Variants in VPS13A observed in about 807,000 individuals in gnomAD.
The protein encoded by VPS13A is vacuolar protein sorting 13 homolog A.
A neutral mutation model predicts 390.9 loss-of-function variants in VPS13A; 264 were observed. The ratio of observed to expected loss-of-function variants is 0.68; its 90% confidence interval spans 0.61 to 0.75. VPS13A has a LOEUF of 0.75. VPS13A is among the 30% of genes least tolerant of loss of function. VPS13A has a pLI of 0.00. For missense variants in VPS13A, 3,409 were observed against 3,733.9 expected (o/e 0.91, Z 2.27); for synonymous variants, 1,231 against 1,227.1 (o/e 1.00, Z -0.07).
chr9:77,214,272 T>C, intron 9 of VPS13A, 57 bp from the exon 10 acceptor site: 1 of 1,492,976 alleles, frequency 6.7e-7, no homozygotes, highest in Non-Finnish European at 9.3e-7. Flanking sequence ...GGAGACTCCA[T>C]CTCAAAAAAA....
chr9:77,193,172 G>GT (rs1824784750), intron 1 of VPS13A, among the ~76,000 whole-genome samples: 1 of 152,096 alleles, frequency 6.6e-6, no homozygotes, highest in Admixed American at 6.5e-5. Context: ...CTTGTAGTGA[G>GT]TTTTTTAGCT....
chr9:77,179,381 A>G (rs908644156), intron 1 of VPS13A, among the ~76,000 whole-genome samples: 2 of 151,826 alleles, frequency 1.3e-5, no homozygotes, highest in Non-Finnish European at 2.9e-5. Context: ...AGTTGATCTC[A>G]CCCCGCCACC....
In VPS13A at chr9:77,213,001, T is replaced by TG; in HGVS notation, c.589dup (p.Asp197GlyfsTer2). Reference sequence around the variant, plus strand: ...ATCAATACTGGGTTCCATGTTTACATGATGAAACTGAGAAACTGGTTCGTA... The same window carrying TG: ...ATCAATACTGGGTTCCATGTTTACATGGATGAAACTGAGAAACTGGTTCGTA... On this transcript the variant is annotated frameshift_variant, in exon 8 of 72. Coordinates refer to ENST00000360280, the MANE Select transcript of VPS13A (RefSeq NM_033305.3). LOFTEE classifies it high-confidence loss of function. 1 of 1,614,022 alleles carries TG rather than the reference T, an allele frequency of 6.2e-7. No individual in the cohort carries two copies. Among genetic ancestry groups the TG allele is most frequent in the Non-Finnish European group, 8.5e-7 (1 of 1,179,968 alleles).
At chr9:77,273,482 C>G (rs1826470484) in intron 24 of VPS13A, 118 bp downstream of exon 24, 2 of 787,674 alleles carry the variant, frequency 2.5e-6, no homozygotes, top group Admixed American at 2.7e-5. Context: ...CTTTTAAAAT[C>G]TAGGTTCTTG....
At position 77,345,838 on chromosome 9, in the gene VPS13A, G is replaced by C. The variant is rs187681238; in HGVS notation, c.7289+696G>C. Among the ~76,000 whole-genome samples the C allele has an allele frequency of 5.6e-4, 85 of 152,196 alleles. 3 individuals carry two copies. The highest frequency in any genetic ancestry group is 1.9e-4 in the Non-Finnish European group (13 of 68,008). On this transcript the variant is annotated intron_variant, in intron 52 of 71. Coordinates refer to ENST00000360280, the MANE Select transcript of VPS13A (RefSeq NM_033305.3). Reference sequence around the variant, plus strand: ...TTGATTAAAATCAAACAGACATTGAGTAGGGACCACAGGGCTGGACTAGCA... The same window carrying C: ...TTGATTAAAATCAAACAGACATTGACTAGGGACCACAGGGCTGGACTAGCA...
intron 31 of VPS13A, among the ~76,000 whole-genome samples, chr9:77,287,522 A>G (rs1360695973): frequency 3.3e-5 from 5 of 152,190 alleles, no homozygotes; most frequent in Non-Finnish European, 7.3e-5. Flanking sequence ...TAGTCAGCAA[A>G]AGATAAAAAG....
chr9:77,184,527 G>A (rs1029973162), intron 1 of VPS13A, among the ~76,000 whole-genome samples: 2 of 152,164 alleles, frequency 1.3e-5, no homozygotes, highest in South Asian at 2.1e-4. Flanking sequence ...GCTGAGACAC[G>A]AGAATCGCTT....
intron 58 of VPS13A, 110 bp downstream of exon 58, chr9:77,359,512 T>C: frequency 9.7e-7 from 1 of 1,036,048 alleles, no homozygotes; most frequent in Non-Finnish European, 1.4e-6. Context: ...GCATAAAATA[T>C]TAATTATAAA....
intron 71 of VPS13A, among the ~76,000 whole-genome samples, chr9:77,413,273 A>C (rs958442091): frequency 2.6e-5 from 4 of 152,298 alleles, no homozygotes; most frequent in East Asian, 3.9e-4. Context: ...AAAAGAGCCC[A>C]CATCGCCAAG....
chr9:77,333,505 C>T (rs1830387902), intron 46 of VPS13A, among the ~76,000 whole-genome samples: 1 of 146,622 alleles, frequency 6.8e-6, no homozygotes, highest in African/African-American at 2.5e-5. Context: ...GATCTCAGCT[C>T]CCAGGTTCAA....
chr9:77,247,050 C>T lies in VPS13A; in HGVS notation c.1901-209C>T, dbSNP rs577529218. 2.6e-5 allele frequency among the ~76,000 whole-genome samples: 4 copies of T among 152,096 alleles called. No homozygotes were observed. In the East Asian group the frequency reaches 7.7e-4, roughly 29 times the overall value. The stretch of plus-strand genomic sequence containing the variant: ...TTAAAAATTTTTTTTGGAAGAATCA[C>T]TCCAATTTTGTACTCAGCTATATTT... On this transcript the variant is annotated intron_variant, in intron 19 of 71. Transcript: ENST00000360280.
intron 19 of VPS13A, among the ~76,000 whole-genome samples, chr9:77,240,442 G>A (rs1824412299): frequency 6.7e-6 from 1 of 149,482 alleles, no homozygotes; most frequent in Non-Finnish European, 1.5e-5. Context: ...AGAATCTGCT[G>A]GTGGCAAATC....
At chr9:77,273,514 G>T in intron 24 of VPS13A, 150 bp downstream of exon 24, 1 of 641,938 alleles carries the variant, frequency 1.6e-6, no homozygotes, top group Non-Finnish European at 2.6e-6. Context: ...ATGAATGGAA[G>T]ACAGATTAAC....
chr9:77,238,136 C>T lies in VPS13A; in HGVS notation c.1730C>T (p.Thr577Ile). The T allele has an allele frequency of 6.2e-7, 1 of 1,613,702 alleles. No individual in the cohort carries two copies. Among genetic ancestry groups the T allele is most frequent in the Non-Finnish European group, 8.5e-7 (1 of 1,179,834 alleles). The change falls in exon 18 of 72, where the codon ACT becomes ATT. Residue 577 changes from threonine (T) to isoleucine (I), a missense_variant. Thr to Ile is a moderately conservative substitution (Grantham distance 89, BLOSUM62 -1). This residue lies in a region of VPS13A where 2,717 missense variants were observed against 2,917.4 expected (regional missense o/e 0.93). Transcript: ENST00000360280. ...TTTGAGATAAATCCATTAGATGAAA[C>T]TGTTTCTCAGAGGTGTATCATAGAA... ...ITFEINPLDETVSQRCIIEAE... is the reference protein window; with the variant it reads ...ITFEINPLDEIVSQRCIIEAE...
At chr9:77,314,214 T>G in intron 36 of VPS13A, 95 bp downstream of exon 36, 13 of 1,370,804 alleles carry the variant, frequency 9.5e-6, no homozygotes, top group Non-Finnish European at 1.2e-5. Context: ...TAACATTTAT[T>G]TTGTAGTATC....
intron 11 of VPS13A, 29 bp from the exon 12 acceptor site, chr9:77,220,248 T>C (rs1823120008): frequency 5.0e-6 from 8 of 1,585,712 alleles, no homozygotes; most frequent in Non-Finnish European, 6.0e-6. Flanking sequence ...ATGTGATACA[T>C]TTAAGAGCTT....
intron 19 of VPS13A, among the ~76,000 whole-genome samples, chr9:77,240,208 G>C (rs1031616100): frequency 6.8e-6 from 1 of 148,036 alleles, no homozygotes; most frequent in Non-Finnish European, 1.5e-5. Flanking sequence ...TCAGCCTCCC[G>C]AGTAGCTGGG....
chr9:77,222,674 TTTCA>T (rs1245317948), intron 13 of VPS13A, among the ~76,000 whole-genome samples: 1 of 152,170 alleles, frequency 6.6e-6, no homozygotes, highest in African/African-American at 2.4e-5. Flanking sequence ...TTTGAAACTG[TTTCA>T]TTATTATTAT....
intron 48 of VPS13A, 122 bp downstream of exon 48, chr9:77,340,033 C>A: frequency 7.3e-7 from 1 of 1,378,766 alleles, no homozygotes; most frequent in Non-Finnish European, 1.0e-6. Context: ...ATATTTGAGG[C>A]CAAAAAGATT....
Sources: gnomAD v4.1 joint callset for allele counts (sites outside exome capture counted in the v4.1 genomes callset) on GRCh38, gnomAD v4.1.1 for gene constraint, gnomAD v4.1.1 regional missense constraint, MANE v1.5 for transcripts, NCBI Gene and HGNC (gene_info 2026-07-23, HGNC 2026-07-21) for gene names.